The following TMEM144 variants were observed in gnomAD, a reference collection of about 807,000 sequenced individuals.
The protein encoded by TMEM144 is transmembrane protein 144.
TMEM144 carries 39 observed loss-of-function variants against 43.6 expected under a neutral mutation model. The observed-to-expected ratio is 0.90, with a 90% CI of 0.69 to 1.17. The LOEUF (loss-of-function observed/expected upper bound fraction) is 1.17, where lower values mean the gene tolerates loss of function less well. Ranked by LOEUF, TMEM144 falls within the 50% of genes most tolerant of loss-of-function variation. TMEM144 has a pLI of 0.00. For missense variants in TMEM144, 417 were observed against 411.9 expected (o/e 1.01, Z -0.11); for synonymous variants, 154 against 133.6 (o/e 1.15, Z -1.06).
rs535897289 is a variant in TMEM144 at position 158,244,425 on chromosome 4, A to G, written c.954+76A>G. 1.8e-5 allele frequency: 22 copies of G among 1,239,230 alleles called. No homozygotes were observed. In the Admixed American group the frequency reaches 2.3e-4, roughly 13 times the overall value. The allele number at this position is 1,239,230 out of a possible 1,614,324, so 76.8% of individuals were successfully genotyped here. A position where few individuals can be genotyped will look rare whatever the true frequency, so the allele number is the denominator to read the frequency against. On this transcript the variant is annotated intron_variant, in intron 12 of 12. Transcript: ENST00000296529. ...CGTGGTGGCTCACGCTTGTCCTGGC[A>G]CTTTGGGAGGCCGAGGCAGGTGGAT...
chr4:158,230,833 A>C (rs1735043139), intron 6 of TMEM144, among the ~76,000 whole-genome samples: 1 of 152,130 alleles, frequency 6.6e-6, no homozygotes, highest in Admixed American at 6.5e-5. Context: ...ACACTCCTAT[A>C]ATAAAAGACA....
At chr4:158,213,856 G>A (rs1734084097) in intron 3 of TMEM144, 1 of 152,008 alleles carries the variant, frequency 6.6e-6, no homozygotes, top group Admixed American at 6.5e-5. Flanking sequence ...ACAAGAATGG[G>A]AACTACCCGA....
At position 158,255,253 on chromosome 4, in the gene TMEM144, T is replaced by G. The variant is rs544723732; in HGVS notation, c.*1726T>G. ...AACCTGAAATGTCATTAAATTATGC[T>G]GATAAACTTTGAATAAATTGTGATA... On this transcript the variant is annotated 3_prime_UTR_variant, in exon 13 of 13. Transcript: ENST00000296529. The G allele has an allele frequency of 5.3e-5, 8 of 152,118 alleles. No homozygotes were observed. Among genetic ancestry groups the G allele is most frequent in the Middle Eastern group, 6.8e-3 (2 of 294 alleles). 9.4% of individuals were successfully genotyped at this position (152,118 alleles called of 1,614,324 possible).
At chr4:158,250,633 C>G (rs1313389602) in intron 12 of TMEM144, among the ~76,000 whole-genome samples, 1 of 152,212 alleles carries the variant, frequency 6.6e-6, no homozygotes. Flanking sequence ...CCTCTGACCC[C>G]TTGCATCTAT....
chr4:158,245,213 A>AGT (rs759486531), intron 12 of TMEM144, among the ~76,000 whole-genome samples: 8,954 of 125,486 alleles, frequency 0.071, 451 homozygotes, highest in East Asian at 0.15. Flanking sequence ...TTCTAGTAAG[A>AGT]GTGTGTGTGT....
intron 4 of TMEM144, among the ~76,000 whole-genome samples, chr4:158,215,744 G>T (rs1470734538): frequency 6.6e-6 from 1 of 152,056 alleles, no homozygotes; most frequent in Non-Finnish European, 1.5e-5. Context: ...AAAAGGGCTG[G>T]TTAACAGAAA....
chr4:158,215,681 T>G (rs1174689952), intron 4 of TMEM144, among the ~76,000 whole-genome samples: 2 of 152,232 alleles, frequency 1.3e-5, no homozygotes, highest in East Asian at 1.9e-4. Context: ...TCTCTACTAA[T>G]AAAATTTTTA....
chr4:158,216,390 G>A (rs1734224776), intron 4 of TMEM144, among the ~76,000 whole-genome samples: 2 of 152,190 alleles, frequency 1.3e-5, no homozygotes, highest in Non-Finnish European at 2.9e-5. Flanking sequence ...GAGGGTGGTG[G>A]TATTGACACA....
At chr4:158,252,023 T>C (rs1424117166) in intron 12 of TMEM144, among the ~76,000 whole-genome samples, 3 of 152,026 alleles carry the variant, frequency 2.0e-5, no homozygotes. Flanking sequence ...TGAAAAATGG[T>C]CAAAGAGCTA....
chr4:158,216,241 G>GCA (rs1734215442), intron 4 of TMEM144, among the ~76,000 whole-genome samples: 1 of 152,168 alleles, frequency 6.6e-6, no homozygotes, highest in Non-Finnish European at 1.5e-5. Flanking sequence ...AGGTTCCACT[G>GCA]GGTGTCAGTG....
At chr4:158,225,647 G>A (rs932161103) in intron 6 of TMEM144, among the ~76,000 whole-genome samples, 1 of 152,202 alleles carries the variant, frequency 6.6e-6, no homozygotes, top group Admixed American at 6.5e-5. Flanking sequence ...ATGGACTAAA[G>A]CACAAGTGCC....
intron 6 of TMEM144, among the ~76,000 whole-genome samples, chr4:158,222,705 T>C (rs908449583): frequency 6.6e-6 from 1 of 152,236 alleles, no homozygotes; most frequent in African/African-American, 2.4e-5. Context: ...CAAACTTTCA[T>C]ATATAGTGTT....
intron 6 of TMEM144, among the ~76,000 whole-genome samples, chr4:158,222,765 G>A (rs372358319): frequency 5.9e-5 from 9 of 152,270 alleles, no homozygotes; most frequent in East Asian, 5.8e-4. Context: ...AGTTGTCGGC[G>A]TAACTGCACG....
chr4:158,221,073 AT>A (rs1252514761), intron 6 of TMEM144, among the ~76,000 whole-genome samples: 1 of 152,112 alleles, frequency 6.6e-6, no homozygotes, highest in Non-Finnish European at 1.5e-5. Flanking sequence ...AATTAAAATT[AT>A]TGCTTCTATC....
chr4:158,255,042 G>A lies in TMEM144; in HGVS notation c.*1515G>A, dbSNP rs535198910. ...CTTTATTATTATGTGTTGTTTGAAG[G>A]GGAAAAAAGTTTTTGTAGATTGGAG... On this transcript the variant is annotated 3_prime_UTR_variant, in exon 13 of 13. Coordinates refer to ENST00000296529, the MANE Select transcript of TMEM144 (RefSeq NM_018342.5). 1 of 152,192 alleles carries A rather than the reference G, an allele frequency of 6.6e-6. No homozygotes were observed. The highest frequency in any genetic ancestry group is 2.1e-4 in the South Asian group (1 of 4,814). 9.4% of individuals were successfully genotyped at this position (152,192 alleles called of 1,614,324 possible). A position where few individuals can be genotyped will look rare whatever the true frequency, so the allele number is the denominator to read the frequency against.
chr4:158,227,370 G>C (rs568084195), intron 6 of TMEM144, among the ~76,000 whole-genome samples: 1 of 152,242 alleles, frequency 6.6e-6, no homozygotes, highest in East Asian at 1.9e-4. Context: ...TGATAGGAAG[G>C]CCTCAGTGCT....
rs34561388 is a variant in TMEM144 at position 158,227,126 on chromosome 4, CT to C, written c.414-5761del. 7.1e-3 allele frequency among the ~76,000 whole-genome samples: 997 copies of C among 141,168 alleles called. 10 individuals are homozygous for C. Among genetic ancestry groups the C allele is most frequent in the African/African-American group, 0.02 (775 of 38,840 alleles). The allele number at this position is 141,168 out of a possible 152,430, so 92.6% of individuals were successfully genotyped here. A position where few individuals can be genotyped will look rare whatever the true frequency, so the allele number is the denominator to read the frequency against. ...ATTAATTTAGAATTGGTATAGATGG[CT>C]TTTTTTTTTTTTTCCTAACGGAATA... On this transcript the variant is annotated intron_variant, in intron 6 of 12. Coordinates refer to ENST00000296529, the MANE Select transcript of TMEM144 (RefSeq NM_018342.5).
At chr4:158,230,327 A>T (rs1404498945) in intron 6 of TMEM144, among the ~76,000 whole-genome samples, 1 of 152,140 alleles carries the variant, frequency 6.6e-6, no homozygotes. Context: ...AGTTCTGATG[A>T]GAGAATCTGG....
intron 12 of TMEM144, among the ~76,000 whole-genome samples, chr4:158,245,755 A>G (rs1430244019): frequency 1.3e-5 from 2 of 152,022 alleles, no homozygotes; most frequent in African/African-American, 4.8e-5. Flanking sequence ...CAAAACCGCT[A>G]TCTCTACAAA....
Sources: gnomAD v4.1 joint callset for allele counts (sites outside exome capture counted in the v4.1 genomes callset) on GRCh38, gnomAD v4.1.1 for gene constraint, MANE v1.5 for transcripts, NCBI Gene and HGNC (gene_info 2026-07-23, HGNC 2026-07-21) for gene names.